The following ZNF362 variants were observed in gnomAD, a reference collection of about 807,000 sequenced individuals.
The protein encoded by ZNF362 is zinc finger protein 362, also known as rotund homolog.
Under a neutral mutation model 42.9 loss-of-function variants are expected in ZNF362, and 11 were observed. That is an observed-to-expected ratio of 0.26 (90% CI 0.16 to 0.42). The LOEUF is 0.42. Ranked by LOEUF, ZNF362 falls within the 20% of genes least tolerant of loss-of-function variation. The pLI is 1.00. For missense variants in ZNF362, 362 were observed against 576.2 expected (o/e 0.63, Z 3.81); for synonymous variants, 255 against 257.3 (o/e 0.99, Z 0.09).
At chr1:33,233,669 G>A in the ZNF362 span, among the ~76,000 whole-genome samples, 1 of 152,184 alleles carries the variant, frequency 6.6e-6, no homozygotes, top group East Asian at 1.9e-4. Flanking sequence ...CTCCCAAAGT[G>A]TTGGAATTAC....
At chr1:33,248,851 A>G in the ZNF362 span, among the ~76,000 whole-genome samples, 1 of 152,212 alleles carries the variant, frequency 6.6e-6, no homozygotes, top group African/African-American at 2.4e-5. Flanking sequence ...TTCAGCCACC[A>G]GTGCCGGCCA....
At chr1:33,140,614 C>A in the ZNF362 span, among the ~76,000 whole-genome samples, 1 of 152,214 alleles carries the variant, frequency 6.6e-6, no homozygotes, top group Admixed American at 6.5e-5. This position sits in a 1 kb window ranked among gnomAD's most constrained non-coding sequence, Gnocchi z 4.0. Context: ...ATCAGGGAAC[C>A]CCCTTGGGCC....
chr1:33,158,452 A>T, the ZNF362 span: 2 of 1,056,924 alleles, frequency 1.9e-6, no homozygotes, highest in South Asian at 2.6e-5. Flanking sequence ...CCTTCAGGGC[A>T]GCTGGCATAG....
the ZNF362 span, among the ~76,000 whole-genome samples, chr1:33,213,903 C>A: frequency 1.3e-4 from 20 of 151,652 alleles, no homozygotes; most frequent in Non-Finnish European, 2.1e-4. Flanking sequence ...ACAACAACAA[C>A]AAAAAACAAG....
At chr1:33,176,210 T>C in the ZNF362 span, among the ~76,000 whole-genome samples, 4 of 152,212 alleles carry the variant, frequency 2.6e-5, no homozygotes, top group Non-Finnish European at 4.4e-5. Flanking sequence ...TCTCATTTCT[T>C]TGGATATTTA....
At chr1:33,183,784 C>A in the ZNF362 span, among the ~76,000 whole-genome samples, 1 of 152,176 alleles carries the variant, frequency 6.6e-6, no homozygotes, top group Non-Finnish European at 1.5e-5. Flanking sequence ...TGCTCCCAGT[C>A]TGAGGATGCA....
At chr1:33,282,865 C>T (rs1277904954) in intron 6 of ZNF362, among the ~76,000 whole-genome samples, 1 of 149,118 alleles carries the variant, frequency 6.7e-6, no homozygotes, top group Admixed American at 6.7e-5. Context: ...AGGGTATAGA[C>T]ATCAGAAAGA....
chr1:33,147,408 G>C, the ZNF362 span: 1 of 1,614,162 alleles, frequency 6.2e-7, no homozygotes, highest in South Asian at 1.1e-5. This position sits in a 1 kb window ranked among gnomAD's most constrained non-coding sequence, Gnocchi z 8.1. Context: ...GCTCCGTGCA[G>C]GCGCTGTACT....
chr1:33,161,499 T>C, the ZNF362 span, among the ~76,000 whole-genome samples: 3 of 152,074 alleles, frequency 2.0e-5, no homozygotes, highest in Admixed American at 6.5e-5. The surrounding 1 kb of genome is among the most constrained non-coding windows in gnomAD (Gnocchi z 4.3). Context: ...GCCTGTTCCC[T>C]CCCCGACGCG....
chr1:33,256,630 C>G lies in ZNF362; in HGVS notation c.-113C>G, dbSNP rs2148053366. On this transcript the variant is annotated 5_prime_UTR_variant, in exon 1 of 9. Transcript: ENST00000539719. ...CCGGGCGCGGGGCTGCGGCCGCGTC[C>G]CGGAGGCGCCGCCAGCACAGCCAGG... 6.8e-6 allele frequency: 1 copy of G among 146,186 alleles called. No homozygotes were observed. The highest frequency in any genetic ancestry group is 2.0e-4 in the East Asian group (1 of 4,966). 9.1% of individuals were successfully genotyped at this position (146,186 alleles called of 1,614,324 possible).
chr1:33,292,386 G>A (rs968058114), intron 6 of ZNF362, among the ~76,000 whole-genome samples: 18 of 152,194 alleles, frequency 1.2e-4, no homozygotes, highest in African/African-American at 3.4e-4. Flanking sequence ...ATTTGCGTAT[G>A]TTGAACCAGC....
At chr1:33,186,513 A>G in the ZNF362 span, among the ~76,000 whole-genome samples, 7 of 151,226 alleles carry the variant, frequency 4.6e-5, no homozygotes, top group African/African-American at 1.7e-4. Context: ...ACACACATAA[A>G]ACAAAGTTGT....
At chr1:33,229,173 T>C in the ZNF362 span, among the ~76,000 whole-genome samples, 1 of 152,066 alleles carries the variant, frequency 6.6e-6, no homozygotes, top group Non-Finnish European at 1.5e-5. Flanking sequence ...CCCCTCTCTT[T>C]CCTTTTCTCC....
the ZNF362 span, among the ~76,000 whole-genome samples, chr1:33,220,972 A>C: frequency 4.6e-5 from 7 of 152,170 alleles, no homozygotes; most frequent in Non-Finnish European, 7.4e-5. Context: ...GTGGCCCATC[A>C]GATTGACAGG....
rs1333486586 is a variant in ZNF362, at chr1:33,281,841, G to T, written c.908+30G>T. On this transcript the variant is annotated intron_variant, in intron 6 of 8. Transcript: ENST00000539719. This position sits in a 1 kb window ranked among gnomAD's most constrained non-coding sequence, Gnocchi z 4.8. ...GTGGCCTGCCTGCTGCCCTGCTGCAGCCCGACTCAGCTCAGCACCCGTGGC... is the reference window on the plus strand; with the variant it reads ...GTGGCCTGCCTGCTGCCCTGCTGCATCCCGACTCAGCTCAGCACCCGTGGC... 1 of 1,609,362 alleles carries T rather than the reference G, an allele frequency of 6.2e-7. No homozygotes were observed. The highest frequency in any genetic ancestry group is 1.3e-5 in the African/African-American group (1 of 74,850).
At chr1:33,147,708 C>T in the ZNF362 span, 1 of 1,612,540 alleles carries the variant, frequency 6.2e-7, no homozygotes, top group Non-Finnish European at 8.5e-7. The surrounding 1 kb of genome is among the most constrained non-coding windows in gnomAD (Gnocchi z 8.1). Flanking sequence ...TGCCCGGGTC[C>T]AGGGTTAGGG....
the ZNF362 span, among the ~76,000 whole-genome samples, chr1:33,198,236 G>A: frequency 6.6e-6 from 1 of 152,158 alleles, no homozygotes; most frequent in African/African-American, 2.4e-5. Context: ...GCCAAGTGTG[G>A]TGGCTCATGC....
chr1:33,221,500 A>G, the ZNF362 span, among the ~76,000 whole-genome samples: 6 of 152,332 alleles, frequency 3.9e-5, no homozygotes, highest in Non-Finnish European at 8.8e-5. Flanking sequence ...GTATATCCAT[A>G]GTTTTCAAAA....
the ZNF362 span, among the ~76,000 whole-genome samples, chr1:33,223,907 A>AG: frequency 2.0e-5 from 3 of 151,946 alleles, no homozygotes; most frequent in Admixed American, 2.0e-4. Context: ...AAAAAAAAAA[A>AG]AAAGAAAAAA....
Sources: allele counts gnomAD v4.1 joint callset (sites outside exome capture counted in the v4.1 genomes callset), GRCh38; gene constraint gnomAD v4.1.1; non-coding constraint Gnocchi (gnomAD v3.1); transcripts MANE v1.5; gene names NCBI Gene and HGNC (gene_info 2026-07-23, HGNC 2026-07-21).